MATN2: variants seen among roughly 807,000 people sequenced by gnomAD.
The protein encoded by MATN2 is matrilin 2.
A neutral mutation model predicts 103.2 loss-of-function variants in MATN2; 69 were observed. The observed-to-expected ratio is 0.67, with a 90% confidence interval of 0.55 to 0.82. The LOEUF (loss-of-function observed/expected upper bound fraction) is 0.82, where lower values mean the gene tolerates loss of function less well. Among genes scored for constraint, MATN2 ranks in the 40% least tolerant of loss-of-function variants. The pLI, the probability that MATN2 is intolerant of heterozygous loss-of-function variation, is 0.00. For synonymous variants in MATN2, 429 were observed against 450.2 expected, an observed-to-expected ratio of 0.95 and a Z score of 0.60; for missense variants, 1,023 against 1,211.5, an observed-to-expected ratio of 0.84 and a Z score of 2.31.
chr8:98,013,042 A>G (rs1445253639), intron 10 of MATN2, among the ~76,000 whole-genome samples: 1 of 152,216 alleles, frequency 6.6e-6, no homozygotes, highest in African/African-American at 2.4e-5. Context: ...GAAGACACCC[A>G]GTGGTACTGA....
chr8:97,876,157 A>T (rs1191538971), intron 1 of MATN2, among the ~76,000 whole-genome samples: 1 of 148,420 alleles, frequency 6.7e-6, no homozygotes, highest in Non-Finnish European at 1.5e-5. Context: ...GACTACAGGC[A>T]TGTGCCACCA....
At chr8:98,023,891 G>A (rs1478179378) in intron 13 of MATN2, among the ~76,000 whole-genome samples, 2 of 152,104 alleles carry the variant, frequency 1.3e-5, no homozygotes, top group African/African-American at 4.8e-5. Context: ...TCCTTTGCAG[G>A]GACATGGATG....
chr8:98,030,726 A>C, intron 15 of MATN2, 112 bp downstream of exon 15: 1 of 1,009,770 alleles, frequency 9.9e-7, no homozygotes, highest in South Asian at 1.6e-5. Flanking sequence ...GCAGTGGCAC[A>C]ATCTCAGCTC....
intron 8 of MATN2, among the ~76,000 whole-genome samples, chr8:98,004,568 G>T (rs1411270656): frequency 6.6e-6 from 1 of 152,202 alleles, no homozygotes; most frequent in Non-Finnish European, 1.5e-5. Context: ...GAGCCATTTT[G>T]ATATGTTAGC....
intron 4 of MATN2, among the ~76,000 whole-genome samples, chr8:97,948,115 A>G (rs1463906601): frequency 2.0e-5 from 3 of 152,234 alleles, no homozygotes; most frequent in Non-Finnish European, 4.4e-5. Flanking sequence ...AATCTCCAAC[A>G]AGAAGTACAA....
chr8:97,941,186 G>GAAAAAAAAAAAA (rs1274606689), intron 3 of MATN2, among the ~76,000 whole-genome samples: 1 of 70,084 alleles, frequency 1.4e-5, no homozygotes, highest in Admixed American at 2.0e-4. Flanking sequence ...AAAAAAAAAA[G>GAAAAAAAAAAAA]AAAGAAAGAA....
chr8:97,994,559 C>A lies in MATN2; in HGVS notation c.1161C>A (p.Cys387Ter). The A allele has an allele frequency of 6.2e-7, 1 of 1,613,514 alleles. No homozygotes were observed. Among genetic ancestry groups the A allele is most frequent in the Non-Finnish European group, 8.5e-7 (1 of 1,179,738 alleles). Reference protein sequence around the residue: ...VNTDDSYSCHCLKGFTLNPDK... With the variant: ...VNTDDSYSCH ...CAGATGATTCCTATTCCTGCCACTG[C>A]CTGAAAGGCTTTACCCTGAATCCAG... Residue 387 changes from cysteine to a stop codon, truncating the protein, a stop_gained, in exon 7 of 19, where the codon TGC becomes TGA. Coordinates refer to ENST00000254898, the MANE Select transcript of MATN2 (RefSeq NM_002380.5). LOFTEE classifies it high-confidence loss of function.
intron 6 of MATN2, among the ~76,000 whole-genome samples, chr8:97,983,487 C>T (rs961291061): frequency 6.6e-6 from 1 of 152,138 alleles, no homozygotes; most frequent in Non-Finnish European, 1.5e-5. Context: ...CTCAGATATC[C>T]AGGGTCTTTT....
At chr8:97,917,617 C>A (rs1304214453) in intron 2 of MATN2, among the ~76,000 whole-genome samples, 1 of 152,204 alleles carries the variant, frequency 6.6e-6, no homozygotes, top group Non-Finnish European at 1.5e-5. Context: ...CCCAAGCCAT[C>A]TGCTACTTTT....
intron 5 of MATN2, among the ~76,000 whole-genome samples, chr8:97,973,863 A>G (rs1387489803): frequency 1.3e-5 from 2 of 151,990 alleles, no homozygotes; most frequent in African/African-American, 2.4e-5. Flanking sequence ...TCTTTTTTGC[A>G]TAAACCATAC....
chr8:97,945,717 A>AAAAAAAT (rs59472539), intron 4 of MATN2, among the ~76,000 whole-genome samples: 95 of 121,804 alleles, frequency 7.8e-4, no homozygotes, highest in South Asian at 1.2e-3. Context: ...AAAAAAAAAA[A>AAAAAAAT]ATATATATAT....
intron 6 of MATN2, among the ~76,000 whole-genome samples, chr8:97,981,213 A>C (rs1812009735): frequency 6.6e-6 from 1 of 151,138 alleles, no homozygotes; most frequent in Non-Finnish European, 1.5e-5. Flanking sequence ...AAAAGGGATG[A>C]TGTGGGTTTC....
In MATN2 at chr8:97,961,402, C is replaced by A; in HGVS notation, c.836-6C>A. ...GTTGTGTTCTAACATCGTGACTTTGCCTCAGTCCAGGATCTGTGTGCCATG... is the reference window on the plus strand; with the variant it reads ...GTTGTGTTCTAACATCGTGACTTTGACTCAGTCCAGGATCTGTGTGCCATG... On this transcript the variant is annotated splice_polypyrimidine_tract_variant and splice_region_variant and intron_variant, in intron 4 of 18. Transcript: ENST00000254898. 1 of 1,608,748 alleles carries A rather than the reference C, an allele frequency of 6.2e-7. No homozygotes were observed.
chr8:97,880,729 A>G (rs1462618267), intron 1 of MATN2, among the ~76,000 whole-genome samples: 1 of 151,732 alleles, frequency 6.6e-6, no homozygotes, highest in Non-Finnish European at 1.5e-5. Context: ...ATCCTCCTCA[A>G]CCCCATTGGT....
intron 1 of MATN2, among the ~76,000 whole-genome samples, chr8:97,873,119 G>A (rs967803076): frequency 3.9e-5 from 6 of 152,122 alleles, no homozygotes; most frequent in Non-Finnish European, 8.8e-5. Flanking sequence ...GCCATGTAAG[G>A]CAACACAGTC....
At chr8:97,960,540 A>C (rs539394746) in intron 4 of MATN2, among the ~76,000 whole-genome samples, 1 of 152,338 alleles carries the variant, frequency 6.6e-6, no homozygotes, top group East Asian at 1.9e-4. Flanking sequence ...AGAGCTTAGC[A>C]CTTAGTGGAC....
intron 6 of MATN2, among the ~76,000 whole-genome samples, chr8:97,981,937 A>G (rs1484269725): frequency 2.7e-5 from 4 of 150,254 alleles, no homozygotes; most frequent in Admixed American, 6.9e-5. Context: ...GCTAGGAGCC[A>G]CGGGAGGGGC....
intron 3 of MATN2, among the ~76,000 whole-genome samples, chr8:97,938,363 A>G (rs1414492519): frequency 6.6e-6 from 1 of 152,212 alleles, no homozygotes; most frequent in Admixed American, 6.5e-5. Flanking sequence ...GATAACACCA[A>G]GTACTGAAGT....
At chr8:97,898,312 A>G (rs1586389890) in intron 2 of MATN2, among the ~76,000 whole-genome samples, 1 of 152,096 alleles carries the variant, frequency 6.6e-6, no homozygotes, top group African/African-American at 2.4e-5. Flanking sequence ...AGTAGTGATG[A>G]CGGCCGGGTG....
Sources: gnomAD v4.1 joint callset for allele counts (sites outside exome capture counted in the v4.1 genomes callset) on GRCh38, gnomAD v4.1.1 for gene constraint, MANE v1.5 for transcripts, NCBI Gene and HGNC (gene_info 2026-07-23, HGNC 2026-07-21) for gene names.